SLC44A5: variants seen among roughly 807,000 people sequenced by gnomAD.
SLC44A5 encodes choline transporter-like protein 5.
A neutral mutation model predicts 101.8 loss-of-function variants in SLC44A5; 57 were observed. That is an observed-to-expected ratio of 0.56 (90% confidence interval 0.45 to 0.70). SLC44A5 has a LOEUF of 0.70. SLC44A5 is among the 30% of genes least tolerant of loss of function. The pLI is 0.00. For missense variants in SLC44A5, 737 were observed against 853.1 expected (o/e 0.86, Z 1.70); for synonymous variants, 281 against 290.9 (o/e 0.97, Z 0.35).
intron 1 of SLC44A5, among the ~76,000 whole-genome samples, chr1:75,599,345 AAACT>A (rs1454490273): frequency 3.9e-5 from 6 of 152,166 alleles, no homozygotes; most frequent in Non-Finnish European, 8.8e-5. Flanking sequence ...GGCTGGCCTA[AAACT>A]AACTGATAGC....
At chr1:75,572,273 G>A (rs1158705046) in intron 1 of SLC44A5, among the ~76,000 whole-genome samples, 1 of 152,130 alleles carries the variant, frequency 6.6e-6, no homozygotes, top group Non-Finnish European at 1.5e-5. Context: ...TAGACCCAGT[G>A]GATATAGCAT....
chr1:75,614,314 G>A (rs887481910), upstream of SLC44A5, among the ~76,000 whole-genome samples: 8 of 152,190 alleles, frequency 5.3e-5, no homozygotes, highest in South Asian at 2.1e-4. Context: ...GGAATCAGAG[G>A]TTTAAAGCCC....
At chr1:75,597,033 C>T (rs1437137322) in intron 1 of SLC44A5, among the ~76,000 whole-genome samples, 5 of 151,756 alleles carry the variant, frequency 3.3e-5, no homozygotes, top group African/African-American at 7.3e-5. Flanking sequence ...GAAAAACATA[C>T]AAAAATTAGC....
intron 3 of SLC44A5, among the ~76,000 whole-genome samples, chr1:75,377,037 C>A (rs551736005): frequency 6.6e-6 from 1 of 152,118 alleles, no homozygotes; most frequent in Non-Finnish European, 1.5e-5. Context: ...AATGAAGAAG[C>A]CTCAGGAGTC....
At chr1:75,645,254 G>C in the SLC44A5 span, among the ~76,000 whole-genome samples, 6 of 152,282 alleles carry the variant, frequency 3.9e-5, no homozygotes, top group African/African-American at 9.6e-5. Flanking sequence ...CAGTGTAAAA[G>C]TGTTCCTGTT....
chr1:75,307,624 A>C (rs960910841), intron 4 of SLC44A5, among the ~76,000 whole-genome samples: 21 of 152,212 alleles, frequency 1.4e-4, no homozygotes, highest in African/African-American at 4.8e-4. Flanking sequence ...TCTCACGAAT[A>C]ATAGAGAATC....
intron 1 of SLC44A5, among the ~76,000 whole-genome samples, chr1:75,569,479 T>G (rs540719697): frequency 4.4e-4 from 67 of 152,182 alleles, no homozygotes; most frequent in African/African-American, 1.6e-3. Context: ...TGGGCTCAAG[T>G]TATCTGCCCT....
At chr1:75,690,246 G>T in the SLC44A5 span, among the ~76,000 whole-genome samples, 3 of 152,284 alleles carry the variant, frequency 2.0e-5, no homozygotes, top group Admixed American at 1.3e-4. Flanking sequence ...AACAAGGCAT[G>T]TCTTACATGG....
intron 3 of SLC44A5, among the ~76,000 whole-genome samples, chr1:75,371,385 G>A (rs578162249): frequency 1.3e-5 from 2 of 152,240 alleles, no homozygotes; most frequent in South Asian, 2.1e-4. Context: ...TAGATACATT[G>A]AGTTAGCATA....
Position 75,395,337 on chromosome 1 carries a change from T to G in SLC44A5, c.52+1246A>C, listed in dbSNP as rs536919528. On this transcript the variant is annotated intron_variant, in intron 3 of 23. Transcript: ENST00000370859. ...CAAAAAAGACTTGACCTCTACTTTG[T>G]TTTAAGGTAGGAAAAAACCATCTGC... 3.9e-5 allele frequency among the ~76,000 whole-genome samples: 6 copies of G among 152,296 alleles called. No homozygotes were observed. The South Asian group carries it at 1.0e-3, about 26-fold the overall frequency.
intron 3 of SLC44A5, among the ~76,000 whole-genome samples, chr1:75,391,197 G>A (rs995491997): frequency 4.6e-5 from 7 of 151,964 alleles, no homozygotes; most frequent in Non-Finnish European, 8.8e-5. Flanking sequence ...AATCATAGAT[G>A]ACACAATCAA....
At chr1:75,376,553 C>T (rs951774326) in intron 3 of SLC44A5, among the ~76,000 whole-genome samples, 6 of 151,992 alleles carry the variant, frequency 3.9e-5, no homozygotes, top group African/African-American at 9.7e-5. Context: ...CTGGGAGGCA[C>T]CCCCCAGCAG....
rs747706435 is a variant in SLC44A5, at chr1:75,513,441, T to G, written c.13+27994A>C. 3.3e-5 allele frequency among the ~76,000 whole-genome samples: 5 copies of G among 152,358 alleles called. No individual in the cohort carries two copies. The South Asian group carries it at 8.3e-4, about 25-fold the overall frequency. On this transcript the variant is annotated intron_variant, in intron 2 of 23. Coordinates refer to ENST00000370859, the MANE Select transcript of SLC44A5 (RefSeq NM_001130058.2). ...TGTCCATAGCTTTACCAATTGGTACTAGATAATTGGATGGAATAAACTGCC... is the reference window on the plus strand; with the variant it reads ...TGTCCATAGCTTTACCAATTGGTACGAGATAATTGGATGGAATAAACTGCC...
intron 19 of SLC44A5, among the ~76,000 whole-genome samples, chr1:75,215,442 ACT>A (rs1272878531): frequency 6.6e-6 from 1 of 152,198 alleles, no homozygotes; most frequent in Non-Finnish European, 1.5e-5. Context: ...TAGATTAAAT[ACT>A]CTTTCTTCCC....
intron 3 of SLC44A5, among the ~76,000 whole-genome samples, chr1:75,362,761 T>C (rs1659584058): frequency 6.6e-6 from 1 of 152,090 alleles, no homozygotes; most frequent in Non-Finnish European, 1.5e-5. Context: ...GAAGAGTATG[T>C]ATCCTAATCC....
At chr1:75,622,668 G>A in the SLC44A5 span, among the ~76,000 whole-genome samples, 1 of 152,042 alleles carries the variant, frequency 6.6e-6, no homozygotes, top group South Asian at 2.1e-4. Context: ...CATAGAGATA[G>A]TTGTGTATAA....
At chr1:75,428,751 C>T (rs560126716) in intron 2 of SLC44A5, among the ~76,000 whole-genome samples, 2 of 152,272 alleles carry the variant, frequency 1.3e-5, no homozygotes, top group African/African-American at 4.8e-5. Context: ...TTTACTTTGG[C>T]TTATACTCAT....
the SLC44A5 span, among the ~76,000 whole-genome samples, chr1:75,667,243 C>A: frequency 9.9e-5 from 15 of 152,264 alleles, no homozygotes; most frequent in African/African-American, 2.9e-4. Context: ...TCTCAAGATA[C>A]AAAATCAATG....
At chr1:75,493,590 T>A (rs1331766103) in intron 2 of SLC44A5, among the ~76,000 whole-genome samples, 1 of 152,068 alleles carries the variant, frequency 6.6e-6, no homozygotes, top group African/African-American at 2.4e-5. Flanking sequence ...GAAAACACAA[T>A]GTAATAATAT....
Sources: gnomAD v4.1 joint callset for allele counts (sites outside exome capture counted in the v4.1 genomes callset) on GRCh38, gnomAD v4.1.1 for gene constraint, MANE v1.5 for transcripts, NCBI Gene and HGNC (gene_info 2026-07-23, HGNC 2026-07-21) for gene names.